Variants in ANKRD30B observed in about 807,000 individuals in gnomAD.
ANKRD30B encodes ankyrin repeat domain 30B.
Under a neutral mutation model 202.2 loss-of-function variants are expected in ANKRD30B, and 144 were observed. The ratio of observed to expected loss-of-function variants is 0.71; its 90% confidence interval spans 0.62 to 0.82. The LOEUF is 0.82. Ranked by LOEUF, ANKRD30B falls within the 40% of genes least tolerant of loss-of-function variation. The probability of loss-of-function intolerance (pLI) is 0.00; values close to 1 mark genes in which losing one functional copy is unlikely to be tolerated. For synonymous variants in ANKRD30B, 508 were observed against 561.3 expected, an observed-to-expected ratio of 0.91 and a Z score of 1.34; for missense variants, 1,487 against 1,669.1, an observed-to-expected ratio of 0.89 and a Z score of 1.90.
intron 34 of ANKRD30B, 80 bp from the exon 35 acceptor site, chr18:14,837,131 T>C (rs1195265724): frequency 3.6e-6 from 3 of 822,678 alleles, no homozygotes; most frequent in East Asian, 2.7e-5. Flanking sequence ...TTCTGACAAA[T>C]TGATTGAGTG....
chr18:14,804,292 C>T (rs1201791705), intron 24 of ANKRD30B, among the ~76,000 whole-genome samples: 1 of 83,752 alleles, frequency 1.2e-5, no homozygotes, highest in Non-Finnish European at 2.4e-5. Context: ...AATATTCTGA[C>T]TCTTCCTGTC....
At chr18:14,933,576 C>A in the ANKRD30B span, among the ~76,000 whole-genome samples, 1 of 152,128 alleles carries the variant, frequency 6.6e-6, no homozygotes, top group South Asian at 2.1e-4. Flanking sequence ...GACCAGGATT[C>A]TTCCCTAGAG....
At chr18:14,782,785 T>G (rs2143864886) in intron 12 of ANKRD30B, among the ~76,000 whole-genome samples, 171 bp downstream of exon 12, 1 of 152,126 alleles carries the variant, frequency 6.6e-6, no homozygotes, top group Non-Finnish European at 1.5e-5. Flanking sequence ...AACAGGAATA[T>G]ATAGAGAGTG....
chr18:14,799,914 G>A (rs1349527661), intron 22 of ANKRD30B, among the ~76,000 whole-genome samples: 1 of 152,088 alleles, frequency 6.6e-6, no homozygotes, highest in South Asian at 2.1e-4. Context: ...AATTTTTGTT[G>A]TCATTCCCAT....
At chr18:14,804,950 T>G (rs9303865) in intron 24 of ANKRD30B, among the ~76,000 whole-genome samples, 77,209 of 149,546 alleles carry the variant, frequency 0.52, 21,153 homozygotes, top group Non-Finnish European at 0.53. Context: ...AGAATATTTT[T>G]ACTGCAGAAT....
intron 8 of ANKRD30B, 105 bp from the exon 9 acceptor site, chr18:14,772,050 GT>G: frequency 1.7e-6 from 1 of 594,734 alleles, no homozygotes; most frequent in Non-Finnish European, 2.7e-6. Flanking sequence ...CCCAGATTTT[GT>G]TTTTTGTTTT....
intron 22 of ANKRD30B, among the ~76,000 whole-genome samples, chr18:14,800,027 C>T (rs950692267): frequency 1.2e-4 from 18 of 151,660 alleles, no homozygotes; most frequent in African/African-American, 4.1e-4. Flanking sequence ...GGTCAGGAGT[C>T]GCAGACGAGC....
the ANKRD30B span, among the ~76,000 whole-genome samples, chr18:14,888,480 C>T: frequency 1.3e-5 from 2 of 151,954 alleles, no homozygotes; most frequent in Non-Finnish European, 2.9e-5. Flanking sequence ...TTTTGTACAA[C>T]CTTTAGTTAC....
At position 14,822,442 on chromosome 18, in the gene ANKRD30B, G is replaced by A. The variant is rs772773787; in HGVS notation, c.2642-41G>A. ...CATGAATGTTTGGTAGACTTTGACA[G>A]GCTTGCGTATAATCAATTATATATG... On this transcript the variant is annotated intron_variant, in intron 30 of 43. Transcript: ENST00000690538. 1.2e-5 allele frequency: 13 copies of A among 1,105,366 alleles called. No homozygotes were observed. The South Asian group carries it at 1.6e-4, about 14-fold the overall frequency. 68.5% of individuals were successfully genotyped at this position (1,105,366 alleles called of 1,614,324 possible). A position where few individuals can be genotyped will look rare whatever the true frequency, so the allele number is the denominator to read the frequency against.
Position 14,752,973 on chromosome 18 carries a change from A to T in ANKRD30B, c.471A>T (p.Thr157=). 1.2e-6 allele frequency: 2 copies of T among 1,603,554 alleles called. No homozygotes were observed. The change falls in exon 3 of 44, where the codon ACA becomes ACT. Residue 157 remains threonine, a synonymous_variant. Transcript: ENST00000690538. ...VYSENLLMVA[T]LLSYGAVIEV... ...GTGAGAATTTGTTAATGGTGGCAAC[A>T]CTGCTGTCCTATGGTGCAGTCATCG...
chr18:14,910,896 T>C, the ANKRD30B span, among the ~76,000 whole-genome samples: 268 of 152,290 alleles, frequency 1.8e-3, 1 homozygote, highest in African/African-American at 6.2e-3. Context: ...CAGCATTCTT[T>C]CGTGTTTCTT....
chr18:14,839,248 T>C (rs772248193), intron 36 of ANKRD30B, among the ~76,000 whole-genome samples: 3 of 152,310 alleles, frequency 2.0e-5, no homozygotes, highest in Middle Eastern at 3.4e-3. Context: ...GAATGTTCCT[T>C]AAGAGAAAAT....
intron 5 of ANKRD30B, among the ~76,000 whole-genome samples, chr18:14,760,047 A>G (rs574179256): frequency 4.6e-5 from 7 of 152,276 alleles, no homozygotes; most frequent in African/African-American, 1.4e-4. Flanking sequence ...AGGCCAACAC[A>G]TTGGGTTTTA....
chr18:14,834,713 C>T (rs1971097145), intron 34 of ANKRD30B, among the ~76,000 whole-genome samples: 1 of 151,778 alleles, frequency 6.6e-6, no homozygotes, highest in African/African-American at 2.4e-5. Flanking sequence ...AAGATAAATA[C>T]TTAAGGTGAT....
chr18:14,762,804 A>G (rs1915468103), intron 6 of ANKRD30B, among the ~76,000 whole-genome samples: 1 of 152,172 alleles, frequency 6.6e-6, no homozygotes, highest in Non-Finnish European at 1.5e-5. Flanking sequence ...GCACATCTTT[A>G]TTATATATTT....
intron 32 of ANKRD30B, among the ~76,000 whole-genome samples, chr18:14,828,058 T>G (rs1970737215): frequency 1.3e-5 from 2 of 152,224 alleles, no homozygotes. Flanking sequence ...ACCTTAATCA[T>G]GCATGAAAGT....
At chr18:14,806,054 A>G in intron 24 of ANKRD30B, among the ~76,000 whole-genome samples, 2 of 149,802 alleles carry the variant, frequency 1.3e-5, no homozygotes, top group Non-Finnish European at 3.0e-5. Flanking sequence ...CCCCATCTCT[A>G]ATAAAAATAC....
chr18:14,868,426 T>C, the ANKRD30B span, among the ~76,000 whole-genome samples: 1 of 152,298 alleles, frequency 6.6e-6, no homozygotes, highest in Non-Finnish European at 1.5e-5. Context: ...ACGATTTGTG[T>C]ATCTTTTTGT....
Position 14,806,125 on chromosome 18 carries a change from C to G in ANKRD30B, c.2284+2301C>G, listed in dbSNP as rs552569068. On this transcript the variant is annotated intron_variant, in intron 24 of 43. Transcript: ENST00000690538. The stretch of plus-strand genomic sequence containing the variant: ...GTCCCAGCCACTCAGGAGGTTGAGG[C>G]AGGAGAATGGCCTGAACCCGGGAGG... Among the ~76,000 whole-genome samples, 126 of 148,956 alleles carry G rather than the reference C, an allele frequency of 8.5e-4. 6 individuals are homozygous for G. The highest frequency in any genetic ancestry group is 3.4e-3 in the Middle Eastern group (1 of 290).
Sources: allele counts gnomAD v4.1 joint callset (sites outside exome capture counted in the v4.1 genomes callset), GRCh38; gene constraint gnomAD v4.1.1; transcripts MANE v1.5; gene names NCBI Gene and HGNC (gene_info 2026-07-23, HGNC 2026-07-21).